SPATA6: variants seen among roughly 807,000 people sequenced by gnomAD.
The protein encoded by SPATA6 is spermatogenesis associated 6.
SPATA6 carries 56 observed loss-of-function variants against 65.3 expected under a neutral mutation model. That is an observed-to-expected ratio of 0.86 (90% confidence interval 0.69 to 1.07). The LOEUF is 1.07. SPATA6 is among the 50% of genes least tolerant of loss of function. The pLI is 0.00. For missense variants in SPATA6, 590 were observed against 594.8 expected, an observed-to-expected ratio of 0.99 and a Z score of 0.08; for synonymous variants, 199 against 213.2, an observed-to-expected ratio of 0.93 and a Z score of 0.58.
the SPATA6 span, among the ~76,000 whole-genome samples, chr1:48,265,425 A>G: frequency 6.6e-6 from 1 of 151,726 alleles, no homozygotes; most frequent in African/African-American, 2.4e-5. Flanking sequence ...TTTAAAGGTT[A>G]GTCATGGATA....
chr1:48,281,397 C>T, the SPATA6 span, among the ~76,000 whole-genome samples: 2 of 151,856 alleles, frequency 1.3e-5, no homozygotes, highest in African/African-American at 2.4e-5. Flanking sequence ...TCAAATTGTC[C>T]CTGTTTGCAG....
chr1:48,315,998 AAGG>A (rs569237193), intron 11 of SPATA6, among the ~76,000 whole-genome samples: 110 of 152,344 alleles, frequency 7.2e-4, no homozygotes, highest in Middle Eastern at 6.8e-3. Flanking sequence ...GGGCCTCTTC[AAGG>A]AGAACTACAA....
rs149584923 is a variant in SPATA6 at position 48,370,012 on chromosome 1, G to A, written c.910-10242C>T. On this transcript the variant is annotated intron_variant, in intron 9 of 12. Transcript: ENST00000371847. ...GATATGCAGAGTTTTTATACCACAC[G>A]TATGAAATAAGATTCCTGAAAAGTT... Among the ~76,000 whole-genome samples, 1,090 of 152,238 alleles carry A rather than the reference G, an allele frequency of 7.2e-3. 14 individuals carry two copies. The highest frequency in any genetic ancestry group is 0.025 in the African/African-American group (1,020 of 41,532).
chr1:48,399,336 TAA>T lies in SPATA6; in HGVS notation c.780+13_780+14del, dbSNP rs1557664384. The T allele has an allele frequency of 1.2e-6, 2 of 1,602,202 alleles. No individual in the cohort carries two copies. The highest frequency in any genetic ancestry group is 1.7e-6 in the Non-Finnish European group (2 of 1,174,968). On this transcript the variant is annotated intron_variant, in intron 7 of 12. Coordinates refer to ENST00000371847, the MANE Select transcript of SPATA6 (RefSeq NM_019073.4). ...CTGATCAGTTTCAAATAGAAATGCT[TAA>T]GAGAACACATACATGTCTAATCACA...
intron 1 of SPATA6, among the ~76,000 whole-genome samples, chr1:48,470,301 T>G (rs1355610892): frequency 6.6e-6 from 1 of 152,192 alleles, no homozygotes; most frequent in Non-Finnish European, 1.5e-5. Context: ...CTCACCAGAC[T>G]GCTAAACACC....
At position 48,298,694 on chromosome 1, in the gene SPATA6, A is replaced by C; in HGVS notation, c.*19T>G. Reference sequence around the variant, plus strand: ...TGAGAAATTGACACGGACACTAATGAGGTTTATCATGGATGGTCTCAGAAG... The same window carrying C: ...TGAGAAATTGACACGGACACTAATGCGGTTTATCATGGATGGTCTCAGAAG... On this transcript the variant is annotated 3_prime_UTR_variant, in exon 13 of 13. Coordinates refer to ENST00000371847, the MANE Select transcript of SPATA6 (RefSeq NM_019073.4). 1 of 1,589,836 alleles carries C rather than the reference A, an allele frequency of 6.3e-7. No homozygotes were observed. Among genetic ancestry groups the C allele is most frequent in the Non-Finnish European group, 8.6e-7 (1 of 1,167,990 alleles).
At chr1:48,278,740 C>A in the SPATA6 span, among the ~76,000 whole-genome samples, 10 of 152,116 alleles carry the variant, frequency 6.6e-5, no homozygotes, top group Non-Finnish European at 1.2e-4. Context: ...AGAATGGAAC[C>A]AAGTTGGAAA....
chr1:48,412,499 G>A (rs570493482), intron 4 of SPATA6, among the ~76,000 whole-genome samples: 2 of 152,186 alleles, frequency 1.3e-5, no homozygotes, highest in Non-Finnish European at 2.9e-5. Context: ...TTAGAACAAT[G>A]TATTAAAGTG....
the SPATA6 span, among the ~76,000 whole-genome samples, chr1:48,267,886 G>A: frequency 6.6e-6 from 1 of 150,502 alleles, no homozygotes; most frequent in African/African-American, 2.4e-5. Context: ...CGAGTAGCTG[G>A]GACCACAGGT....
chr1:48,436,572 C>A, intron 3 of SPATA6: 8 of 1,612,772 alleles, frequency 5.0e-6, no homozygotes, highest in Non-Finnish European at 6.8e-6. Context: ...CCCTCTCTGG[C>A]CTGTCCCATC....
the SPATA6 span, among the ~76,000 whole-genome samples, chr1:48,283,245 G>A: frequency 1.3e-5 from 2 of 151,264 alleles, no homozygotes; most frequent in African/African-American, 2.4e-5. Context: ...ATGACGAGTT[G>A]ATGGGTGTAG....
intron 11 of SPATA6, among the ~76,000 whole-genome samples, chr1:48,312,506 C>T (rs559912355): frequency 6.6e-6 from 1 of 150,592 alleles, no homozygotes; most frequent in African/African-American, 2.5e-5. Context: ...AGAAGGAAAA[C>T]TAACAAAAAG....
rs778603955 is a variant in SPATA6 at position 48,305,829 on chromosome 1, A to G, written c.1244T>C (p.Leu415Pro). The G allele has an allele frequency of 6.2e-7, 1 of 1,612,486 alleles. No homozygotes were observed. The highest frequency in any genetic ancestry group is 2.2e-5 in the East Asian group (1 of 44,700). The change falls in exon 12 of 13, where the codon CTT (leucine) becomes CCT (proline). Residue 415 changes from leucine (L) to proline (P), a missense_variant. Transcript: ENST00000371847. ...GTCATAGGCAGAGTCTCTACATAAA[A>G]GACTTCTTTTCAGTTCCAGTTCATC... ...KDDELELKRS[L>P]LCRDSAYDSD...
At chr1:48,432,167 T>G (rs998408757) in intron 3 of SPATA6, among the ~76,000 whole-genome samples, 4 of 151,852 alleles carry the variant, frequency 2.6e-5, no homozygotes, top group African/African-American at 9.7e-5. Flanking sequence ...ACTTTACAAT[T>G]TAAGGACCTA....
At chr1:48,265,386 A>G in the SPATA6 span, among the ~76,000 whole-genome samples, 2 of 151,686 alleles carry the variant, frequency 1.3e-5, no homozygotes, top group Non-Finnish European at 2.9e-5. Flanking sequence ...AACTGCTTAT[A>G]TTAAAGGAGA....
intron 10 of SPATA6, among the ~76,000 whole-genome samples, chr1:48,357,306 T>A (rs758775401): frequency 6.6e-6 from 1 of 152,158 alleles, no homozygotes; most frequent in African/African-American, 2.4e-5. Context: ...ATAACACTTA[T>A]AACCAAAATT....
the SPATA6 span, among the ~76,000 whole-genome samples, chr1:48,277,977 C>A: frequency 6.6e-6 from 1 of 152,138 alleles, no homozygotes; most frequent in East Asian, 1.9e-4. Context: ...ACTCCTCTGA[C>A]ACAAAACTTC....
intron 11 of SPATA6, among the ~76,000 whole-genome samples, chr1:48,343,725 G>GT (rs1431362043): frequency 1.3e-5 from 2 of 152,062 alleles, no homozygotes; most frequent in Non-Finnish European, 2.9e-5. Context: ...CACAGAAGTC[G>GT]TATCATCAAA....
chr1:48,467,243 T>C (rs1395853915), intron 1 of SPATA6, among the ~76,000 whole-genome samples: 1 of 152,114 alleles, frequency 6.6e-6, no homozygotes, highest in East Asian at 1.9e-4. Context: ...GTTTTTACTT[T>C]CATATTACTA....
Sources: gnomAD v4.1 joint callset for allele counts (sites outside exome capture counted in the v4.1 genomes callset) on GRCh38, gnomAD v4.1.1 for gene constraint, MANE v1.5 for transcripts, NCBI Gene and HGNC (gene_info 2026-07-23, HGNC 2026-07-21) for gene names.